The following ADGRV1 variants were observed in gnomAD, a reference collection of about 807,000 sequenced individuals.
ADGRV1 encodes the protein G-protein coupled receptor 98.
ADGRV1 carries 359 observed loss-of-function variants against 596.2 expected under a neutral mutation model. The observed-to-expected ratio is 0.60, with a 90% confidence interval of 0.55 to 0.66. The LOEUF (loss-of-function observed/expected upper bound fraction) is 0.66, where lower values mean the gene tolerates loss of function less well. ADGRV1 is among the 30% of genes least tolerant of loss of function. The pLI is 0.00. For missense variants in ADGRV1, 7,274 were observed against 7,575.6 expected, an observed-to-expected ratio of 0.96 and a Z score of 1.48; for synonymous variants, 2,681 against 2,679.2, an observed-to-expected ratio of 1.00 and a Z score of -0.02.
intron 82 of ADGRV1, among the ~76,000 whole-genome samples, chr5:90,858,721 A>G (rs1218627419): frequency 6.6e-6 from 1 of 152,204 alleles, no homozygotes; most frequent in Admixed American, 6.5e-5. Flanking sequence ...TTAAACAAAT[A>G]TATTTAGTTC....
intron 83 of ADGRV1, among the ~76,000 whole-genome samples, chr5:90,924,403 G>C (rs147117207): frequency 6.6e-6 from 1 of 151,766 alleles, no homozygotes; most frequent in African/African-American, 2.4e-5. Flanking sequence ...ATTTTTTCAT[G>C]TGTGTTTTGG....
intron 58 of ADGRV1, among the ~76,000 whole-genome samples, chr5:90,760,787 A>G (rs954422814): frequency 2.0e-5 from 3 of 152,196 alleles, no homozygotes; most frequent in African/African-American, 2.4e-5. Flanking sequence ...GAGAGAGAGA[A>G]AAAAAGGCTA....
At chr5:90,690,270 C>G (rs977744715) in intron 30 of ADGRV1, among the ~76,000 whole-genome samples, 194 bp downstream of exon 30, 3 of 152,170 alleles carry the variant, frequency 2.0e-5, no homozygotes, top group Admixed American at 1.3e-4. Flanking sequence ...TTAAATCAAT[C>G]TCTTAGCATA....
chr5:91,084,554 G>A (rs1163712296), intron 86 of ADGRV1, among the ~76,000 whole-genome samples: 2 of 152,136 alleles, frequency 1.3e-5, no homozygotes, highest in African/African-American at 4.8e-5. Context: ...AGTTAGAATG[G>A]CGATCATTAA....
At position 91,003,236 on chromosome 5, in the gene ADGRV1, A is replaced by T. The variant is rs141290533; in HGVS notation, c.18152+17714A>T. ...TTTGAGCTGCCCAGCTTTTTAGTGG[A>T]TAGAAATCCTGCGCCTTTTAATTGA... On this transcript the variant is annotated intron_variant, in intron 85 of 89. Transcript: ENST00000405460. 3.9e-3 allele frequency among the ~76,000 whole-genome samples: 598 copies of T among 152,340 alleles called. 5 individuals are homozygous for T. Among genetic ancestry groups the T allele is most frequent in the African/African-American group, 0.014 (576 of 41,594 alleles).
intron 48 of ADGRV1, among the ~76,000 whole-genome samples, chr5:90,726,895 A>G (rs4916687): frequency 0.2 from 30,576 of 152,088 alleles, 3,178 homozygotes; most frequent in East Asian, 0.31. Flanking sequence ...TTCCAGGCCT[A>G]CATACCTAAC....
At chr5:90,595,202 G>C in intron 1 of ADGRV1, among the ~76,000 whole-genome samples, 1 of 61,718 alleles carries the variant, frequency 1.6e-5, no homozygotes, top group South Asian at 7.1e-4. Context: ...GCGGCTGGCC[G>C]GGCGGGGGGC....
intron 83 of ADGRV1, among the ~76,000 whole-genome samples, chr5:90,949,639 C>T (rs1776890701): frequency 6.6e-6 from 1 of 152,162 alleles, no homozygotes; most frequent in Non-Finnish European, 1.5e-5. Flanking sequence ...CACCTTCCCA[C>T]TACAGGGAAA....
chr5:90,938,671 C>A (rs540541648), intron 83 of ADGRV1, among the ~76,000 whole-genome samples: 8 of 152,276 alleles, frequency 5.3e-5, no homozygotes, highest in African/African-American at 1.9e-4. Context: ...TATATGACAG[C>A]AGACAGATCA....
At position 90,855,741 on chromosome 5, in the gene ADGRV1, C is replaced by G; in HGVS notation, c.17595C>G (p.Ser5865Arg). Residue 5865 changes from serine to arginine, a missense_variant and splice_region_variant, in exon 82 of 90, where the codon AGC (serine) becomes AGG (arginine). Transcript: ENST00000405460. Reference protein sequence around the residue: ...LCLLWNQAAASWLSDSQFCKV... With the variant: ...LCLLWNQAAARWLSDSQFCKV... The stretch of plus-strand genomic sequence containing the variant: ...AATGACTATTGTGTTTTTGCCCTAG[C>G]TGGTTGTCTGACAGTCAGTTTTGCA... The G allele has an allele frequency of 1.3e-6, 2 of 1,564,004 alleles. No homozygotes were observed. The highest frequency in any genetic ancestry group is 1.7e-6 in the Non-Finnish European group (2 of 1,153,444).
At chr5:90,881,085 C>A (rs781521196) in intron 83 of ADGRV1, among the ~76,000 whole-genome samples, 13 of 152,124 alleles carry the variant, frequency 8.5e-5, no homozygotes, top group Non-Finnish European at 1.5e-4. Context: ...TTAATAAAAC[C>A]AGATCATGAG....
At chr5:90,829,968 A>G (rs1457759196) in intron 77 of ADGRV1, among the ~76,000 whole-genome samples, 4 of 151,954 alleles carry the variant, frequency 2.6e-5, no homozygotes, top group Non-Finnish European at 5.9e-5. Context: ...TCTATTTCCA[A>G]TGTTTCAAGA....
At chr5:90,826,418 T>TCCGGGAGGCGGAGCTTGCAGTGAGCCGA (rs1764077906) in intron 76 of ADGRV1, among the ~76,000 whole-genome samples, 1 of 152,212 alleles carries the variant, frequency 6.6e-6, no homozygotes, top group Non-Finnish European at 1.5e-5. Context: ...GTTAGGGTTC[T>TCCGGGAGGCGGAGCTTGCAGTGAGCCGA]GATAATGGAA....
chr5:90,694,743 G>A (rs1561543858), intron 33 of ADGRV1, 42 bp downstream of exon 33: 6 of 1,438,790 alleles, frequency 4.2e-6, no homozygotes, highest in Non-Finnish European at 5.6e-6. Flanking sequence ...CCCCAGTAAA[G>A]TCATCATAGT....
At chr5:90,788,432 T>C (rs1759716421) in intron 68 of ADGRV1, 122 bp downstream of exon 68, 1 of 935,030 alleles carries the variant, frequency 1.1e-6, no homozygotes. Context: ...CCAAATAATA[T>C]CATAATAATT....
intron 72 of ADGRV1, among the ~76,000 whole-genome samples, chr5:90,806,963 C>T (rs1761958450): frequency 6.6e-6 from 1 of 152,074 alleles, no homozygotes; most frequent in African/African-American, 2.4e-5. Context: ...AGGTATTCTC[C>T]TGCCTCAGCC....
intron 87 of ADGRV1, among the ~76,000 whole-genome samples, chr5:91,148,846 C>T (rs541683703): frequency 2.6e-5 from 4 of 152,314 alleles, no homozygotes; most frequent in Admixed American, 6.5e-5. Context: ...TGTCCAAGGC[C>T]GCGGGAACCC....
intron 89 of ADGRV1, among the ~76,000 whole-genome samples, chr5:91,160,744 C>A (rs1796874792): frequency 6.6e-6 from 1 of 152,072 alleles, no homozygotes; most frequent in African/African-American, 2.4e-5. Flanking sequence ...GATGGGAGAC[C>A]TGGTTTGTGC....
chr5:90,854,427 T>C (rs1392256689), intron 81 of ADGRV1, among the ~76,000 whole-genome samples: 1 of 152,210 alleles, frequency 6.6e-6, no homozygotes, highest in Admixed American at 6.5e-5. Flanking sequence ...TATTTACTTC[T>C]TCATTTTTAC....
Sources: allele counts gnomAD v4.1 joint callset (sites outside exome capture counted in the v4.1 genomes callset), GRCh38; gene constraint gnomAD v4.1.1; transcripts MANE v1.5; gene names NCBI Gene and HGNC (gene_info 2026-07-23, HGNC 2026-07-21).